The following PSG5 variants were observed in gnomAD, a reference collection of about 807,000 sequenced individuals.
The protein encoded by PSG5 is pregnancy specific beta-1-glycoprotein 5, also known as pregnancy-specific beta-1-glycoprotein 5.
PSG5 carries 53 observed loss-of-function variants against 37.7 expected under a neutral mutation model. The ratio of observed to expected loss-of-function variants is 1.41; its 90% confidence interval spans 1.13 to 1.77. PSG5 has a LOEUF of 1.77. Among genes scored for constraint, PSG5 ranks in the 40% most tolerant of loss-of-function variants. The pLI is 0.00. For missense variants in PSG5, 547 were observed against 405.2 expected (o/e 1.35, Z -3.00); for synonymous variants, 221 against 155.4 (o/e 1.42, Z -3.14).
Position 43,186,444 on chromosome 19 carries a change from C to A in PSG5, c.-39G>T, listed in dbSNP as rs1307593813. The A allele has an allele frequency of 6.2e-7, 1 of 1,610,148 alleles. No individual in the cohort carries two copies. The highest frequency in any genetic ancestry group is 1.3e-5 in the African/African-American group (1 of 74,508). On this transcript the variant is annotated 5_prime_UTR_variant, in exon 1 of 6. Transcript: ENST00000342951. ...GCGTGTTCTCCTCTGTGGAGCTGAG[C>A]CTAGGATCCAGAAACTTCCTGAGCA...
Position 43,169,722 on chromosome 19 carries a change from A to C in PSG5, c.*40+333T>G, listed in dbSNP as rs142053269. Among the ~76,000 whole-genome samples, 635 of 151,756 alleles carry C rather than the reference A, an allele frequency of 4.2e-3. 18 individuals are homozygous for C. The highest frequency in any genetic ancestry group is 0.014 in the African/African-American group (593 of 41,246). On this transcript the variant is annotated intron_variant, in intron 5 of 5. Coordinates refer to ENST00000342951, the MANE Select transcript of PSG5 (RefSeq NM_002781.4). The stretch of plus-strand genomic sequence containing the variant: ...ACAAGAAGTCAAGCAATACTTTGAG[A>C]AGTGGTTGAGCTTTATGGGAGTGTA...
At chr19:43,178,506 T>C (rs2355440) in intron 2 of PSG5, among the ~76,000 whole-genome samples, 1 of 151,414 alleles carries the variant, frequency 6.6e-6, no homozygotes, top group African/African-American at 2.4e-5. Flanking sequence ...AAGTCACAGG[T>C]GACATTGTCA....
At chr19:43,174,123 T>A in intron 4 of PSG5, 2 of 151,784 alleles carry the variant, frequency 1.3e-5, no homozygotes, top group South Asian at 4.2e-4. Context: ...AAAAGGATAA[T>A]TATCATATAA....
intron 2 of PSG5, among the ~76,000 whole-genome samples, chr19:43,182,166 G>A (rs1458970545): frequency 1.3e-5 from 2 of 151,658 alleles, no homozygotes; most frequent in Admixed American, 1.3e-4. Context: ...CTTCCTCCAT[G>A]AAACTAACAA....
At chr19:43,185,948 C>T (rs1398028472) in intron 1 of PSG5, among the ~76,000 whole-genome samples, 9 of 150,570 alleles carry the variant, frequency 6.0e-5, no homozygotes, top group Non-Finnish European at 8.9e-5. Flanking sequence ...CCAACAGAGA[C>T]TTCTTTCCTT....
At chr19:43,174,191 G>T (rs1272391129) in intron 4 of PSG5, 36 of 151,298 alleles carry the variant, frequency 2.4e-4, no homozygotes, top group Non-Finnish European at 2.9e-4. Context: ...ATGTAGAATG[G>T]TGTGTGCTAA....
At chr19:43,170,161 G>A in intron 4 of PSG5, 23 bp from the exon 5 acceptor site, 1 of 1,556,002 alleles carries the variant, frequency 6.4e-7, no homozygotes, top group Non-Finnish European at 8.8e-7. Context: ...GAAAAGTAAA[G>A]AAGGAATGAA....
Position 43,183,344 on chromosome 19 carries a change from G to T in PSG5, c.430+1438C>A, listed in dbSNP as rs565808130. 7.5e-4 allele frequency: 377 copies of T among 500,262 alleles called. 6 individuals carry two copies. Among genetic ancestry groups the T allele is most frequent in the African/African-American group, 2.8e-3 (142 of 50,690 alleles). 31.0% of individuals were successfully genotyped at this position (500,262 alleles called of 1,614,324 possible). A position where few individuals can be genotyped will look rare whatever the true frequency, so the allele number is the denominator to read the frequency against. The stretch of plus-strand genomic sequence containing the variant: ...GGACAGGTGTGGCTAGAACCTCCTA[G>T]GATTCTGCATCCAACATCCAGTCTC... On this transcript the variant is annotated intron_variant, in intron 2 of 5. Transcript: ENST00000342951.
intron 2 of PSG5, among the ~76,000 whole-genome samples, chr19:43,182,556 T>A (rs1433913073): frequency 6.6e-6 from 1 of 151,262 alleles, no homozygotes; most frequent in Non-Finnish European, 1.5e-5. Context: ...ACTCATTTTT[T>A]AGTCCTGTGC....
At chr19:43,175,677 C>G (rs951258441) in intron 3 of PSG5, 193 bp downstream of exon 3, 1 of 1,384,320 alleles carries the variant, frequency 7.2e-7, no homozygotes. Flanking sequence ...ATGACAAGAG[C>G]GCCCCCTCCC....
chr19:43,178,090 T>A (rs1969049528), intron 2 of PSG5, among the ~76,000 whole-genome samples: 1 of 151,536 alleles, frequency 6.6e-6, no homozygotes, highest in Non-Finnish European at 1.5e-5. Flanking sequence ...AGCTGGTGGT[T>A]TTGGAGCAGA....
intron 3 of PSG5, 77 bp downstream of exon 3, chr19:43,175,793 A>G (rs905356368): frequency 1.5e-5 from 24 of 1,590,224 alleles, no homozygotes; most frequent in African/African-American, 1.2e-4. Flanking sequence ...GGACCGGAGA[A>G]AGACTGAGAG....
rs753187269 is a variant in PSG5 at position 43,175,932 on chromosome 19, T to C, written c.647A>G (p.Glu216Gly). Residue 216 changes from glutamate (E) to glycine (G), a missense_variant, in exon 3 of 6, where the codon GAA (glutamate) becomes GGA (glycine). Physicochemically the swap from Glu to Gly is moderately conservative, Grantham distance 98 (BLOSUM62 -2). Coordinates refer to ENST00000342951, the MANE Select transcript of PSG5 (RefSeq NM_002781.4). Reference sequence around the variant, plus strand: ...ACCATCTCGGTCCCGTATTTCACATTCATAGGGTCCTGTTTCATTTCTCGT... The same window carrying C: ...ACCATCTCGGTCCCGTATTTCACATCCATAGGGTCCTGTTTCATTTCTCGT... ...SVTRNETGPYECEIRDRDGGM... is the reference protein window; with the variant it reads ...SVTRNETGPYGCEIRDRDGGM... The C allele has an allele frequency of 1.9e-6, 3 of 1,612,438 alleles. No individual in the cohort carries two copies. Among genetic ancestry groups the C allele is most frequent in the Non-Finnish European group, 2.5e-6 (3 of 1,179,184 alleles).
At position 43,179,182 on chromosome 19, in the gene PSG5, T is replaced by G. The variant is rs759901580; in HGVS notation, c.431-3034A>C. ...ACTTTGCAGAAAACAGAGAGAAGAT[T>G]GCCCTGTGTGGCACCTTTGATTCCT... On this transcript the variant is annotated intron_variant, in intron 2 of 5. Coordinates refer to ENST00000342951, the MANE Select transcript of PSG5 (RefSeq NM_002781.4). The G allele has an allele frequency of 1.0e-5, 16 of 1,573,934 alleles. No individual in the cohort carries two copies. In the East Asian group the frequency reaches 3.6e-4, roughly 35 times the overall value.
At chr19:43,171,013 C>CTT (rs1289069403) in intron 4 of PSG5, 2 of 150,184 alleles carry the variant, frequency 1.3e-5, no homozygotes, top group Non-Finnish European at 3.0e-5. Context: ...AAGGTAGGTA[C>CTT]TGTTGAGGGG....
At chr19:43,171,423 A>C (rs1968902766) in intron 4 of PSG5, 1 of 165,868 alleles carries the variant, frequency 6.0e-6, no homozygotes, top group Non-Finnish European at 1.3e-5. Context: ...ATTAAAAAAG[A>C]AGAAAGATCT....
intron 2 of PSG5, among the ~76,000 whole-genome samples, chr19:43,177,854 T>C (rs1217774987): frequency 6.6e-6 from 1 of 151,596 alleles, no homozygotes; most frequent in Non-Finnish European, 1.5e-5. Flanking sequence ...TCCTTGAAAA[T>C]GAAATGTCTT....
At chr19:43,170,469 C>T in intron 4 of PSG5, 1 of 447,200 alleles carries the variant, frequency 2.2e-6, no homozygotes, top group East Asian at 6.0e-5. Flanking sequence ...ATCTTTTTCT[C>T]AGTCTCTCTG....
chr19:43,186,341 C>A lies in PSG5; in HGVS notation c.64+1G>T, dbSNP rs781761101. On this transcript the variant is annotated splice_donor_variant, in intron 1 of 5. Coordinates refer to ENST00000342951, the MANE Select transcript of PSG5 (RefSeq NM_002781.4). LOFTEE classifies it high-confidence loss of function. ...CCTCTCCCAGGAAGTTCTCTCCTCA[C>A]CTGTGAGCAGGAGCCCCTTCCAGGT... The A allele has an allele frequency of 6.2e-7, 1 of 1,612,234 alleles. No homozygotes were observed. Among genetic ancestry groups the A allele is most frequent in the East Asian group, 2.2e-5 (1 of 44,868 alleles).
Sources: gnomAD v4.1 joint callset for allele counts (sites outside exome capture counted in the v4.1 genomes callset) on GRCh38, gnomAD v4.1.1 for gene constraint, MANE v1.5 for transcripts, NCBI Gene and HGNC (gene_info 2026-07-23, HGNC 2026-07-21) for gene names.